The following CDH18 variants were observed in gnomAD, a reference collection of about 807,000 sequenced individuals.
CDH18 encodes cadherin 18.
CDH18 carries 31 observed loss-of-function variants against 67.9 expected under a neutral mutation model. That is an observed-to-expected ratio of 0.46 (90% CI 0.34 to 0.62). The LOEUF (loss-of-function observed/expected upper bound fraction) is 0.62. CDH18 is among the 20% of genes least tolerant of loss of function. The probability of loss-of-function intolerance (pLI) is 0.01; values close to 1 mark genes in which losing one functional copy is unlikely to be tolerated. For missense variants in CDH18, 890 were observed against 975.5 expected (o/e 0.91, Z 1.17); for synonymous variants, 362 against 347.2 (o/e 1.04, Z -0.48).
At chr5:19,929,650 T>C (rs1793463561) in intron 2 of CDH18, among the ~76,000 whole-genome samples, 1 of 152,046 alleles carries the variant, frequency 6.6e-6, no homozygotes, top group Non-Finnish European at 1.5e-5. Context: ...CTAGTCTGCA[T>C]GGTATTTAGG....
At chr5:19,791,579 T>A (rs1776366694) in intron 3 of CDH18, among the ~76,000 whole-genome samples, 2 of 152,156 alleles carry the variant, frequency 1.3e-5, no homozygotes, top group South Asian at 4.1e-4. Context: ...TAGTCACTCA[T>A]GCTCGCTGAG....
intron 11 of CDH18, among the ~76,000 whole-genome samples, chr5:19,486,984 C>T (rs995795029): frequency 6.6e-6 from 1 of 152,118 alleles, no homozygotes; most frequent in African/African-American, 2.4e-5. Flanking sequence ...TTCTAACTCT[C>T]TATAGCTTGG....
At chr5:20,257,027 C>G (rs1744304405) in intron 1 of CDH18, among the ~76,000 whole-genome samples, 1 of 151,726 alleles carries the variant, frequency 6.6e-6, no homozygotes, top group Non-Finnish European at 1.5e-5. Context: ...CCTCTATCTA[C>G]TTATCAGGGC....
Position 20,342,634 on chromosome 5 carries a change from T to C in CDH18, c.-579-87129A>G, listed in dbSNP as rs114534639. Among the ~76,000 whole-genome samples the C allele has an allele frequency of 6.5e-3, 992 of 152,180 alleles. 7 individuals carry two copies. Among genetic ancestry groups the C allele is most frequent in the African/African-American group, 0.022 (933 of 41,516 alleles). On this transcript the variant is annotated intron_variant, in intron 1 of 14. Coordinates refer to the CDH18 transcript ENST00000507958. ...TCTGGAGAATAGGCATGGGAATGGA[T>C]AGTAAGAGTGTGGGATAATGGCAGA...
chr5:20,503,032 G>A (rs1013329411), intron 1 of CDH18, among the ~76,000 whole-genome samples: 3 of 152,056 alleles, frequency 2.0e-5, no homozygotes, highest in African/African-American at 7.2e-5. Flanking sequence ...TACACAGACA[G>A]AGAAAGCCAA....
intron 2 of CDH18, among the ~76,000 whole-genome samples, chr5:19,938,998 A>G (rs1794563146): frequency 6.6e-6 from 1 of 151,142 alleles, no homozygotes; most frequent in African/African-American, 2.4e-5. Context: ...TTAAACTTCT[A>G]AGAAGTTCAT....
At chr5:20,526,892 C>T (rs1187226759) in intron 1 of CDH18, among the ~76,000 whole-genome samples, 1 of 152,016 alleles carries the variant, frequency 6.6e-6, no homozygotes, top group Non-Finnish European at 1.5e-5. Flanking sequence ...CAACACCTCT[C>T]CAGCAAGGGC....
At chr5:19,692,932 C>A (rs950419491) in intron 5 of CDH18, among the ~76,000 whole-genome samples, 1 of 151,986 alleles carries the variant, frequency 6.6e-6, no homozygotes, top group Non-Finnish European at 1.5e-5. Flanking sequence ...AAAGGTATAA[C>A]TACACCTCTA....
chr5:20,418,716 G>A lies in CDH18; in HGVS notation c.-580+156746C>T, dbSNP rs537528734. Reference sequence around the variant, plus strand: ...AGACAACTTAAGTTTAACTGTGTGCGTATAAAAAGGGGTATTTGTAAATAT... The same window carrying A: ...AGACAACTTAAGTTTAACTGTGTGCATATAAAAAGGGGTATTTGTAAATAT... On this transcript the variant is annotated intron_variant, in intron 1 of 14. Transcript: ENST00000507958. 2.2e-4 allele frequency among the ~76,000 whole-genome samples: 34 copies of A among 152,070 alleles called. 1 individual carries two copies. The South Asian group carries it at 3.7e-3, about 17-fold the overall frequency.
intron 1 of CDH18, among the ~76,000 whole-genome samples, chr5:20,340,310 C>T (rs1407955362): frequency 6.6e-6 from 1 of 152,114 alleles, no homozygotes; most frequent in African/African-American, 2.4e-5. Context: ...CTTATAAAAC[C>T]TCCTGAAGGT....
At chr5:20,356,973 A>T (rs576532613) in intron 1 of CDH18, among the ~76,000 whole-genome samples, 12 of 151,284 alleles carry the variant, frequency 7.9e-5, no homozygotes, top group Non-Finnish European at 1.3e-4. Flanking sequence ...GTAAGTCAGT[A>T]TATATGTAGT....
At chr5:19,493,525 C>T (rs944729892) in intron 11 of CDH18, among the ~76,000 whole-genome samples, 5 of 143,344 alleles carry the variant, frequency 3.5e-5, no homozygotes, top group South Asian at 2.4e-4. Flanking sequence ...AATGTCAGCC[C>T]GAGGGAATTG....
chr5:20,501,933 G>C (rs1754360950), intron 1 of CDH18, among the ~76,000 whole-genome samples: 1 of 150,868 alleles, frequency 6.6e-6, no homozygotes, highest in African/African-American at 2.4e-5. Context: ...ATTATTTCAA[G>C]AAAACAGCAA....
At chr5:19,802,218 T>C (rs1308342413) in intron 3 of CDH18, among the ~76,000 whole-genome samples, 7 of 152,162 alleles carry the variant, frequency 4.6e-5, no homozygotes, top group African/African-American at 1.7e-4. Context: ...ATGTGTTTAA[T>C]ACTTCTCATA....
intron 1 of CDH18, among the ~76,000 whole-genome samples, chr5:20,408,123 A>G (rs998880450): frequency 6.6e-6 from 1 of 152,118 alleles, no homozygotes; most frequent in African/African-American, 2.4e-5. Flanking sequence ...CTGAAAGAAA[A>G]AAACTACCAG....
chr5:20,564,784 A>G (rs1203879869), intron 1 of CDH18, among the ~76,000 whole-genome samples: 3 of 152,186 alleles, frequency 2.0e-5, no homozygotes, highest in African/African-American at 7.2e-5. Context: ...TCTCACTGTA[A>G]GGGTCAGAGA....
At chr5:20,071,516 A>C (rs1277069548) in intron 2 of CDH18, among the ~76,000 whole-genome samples, 1 of 152,060 alleles carries the variant, frequency 6.6e-6, no homozygotes, top group African/African-American at 2.4e-5. Flanking sequence ...TATACTTCAG[A>C]ATTCTTTAAT....
intron 5 of CDH18, among the ~76,000 whole-genome samples, chr5:19,664,879 A>C (rs192085972): frequency 1.2e-3 from 182 of 152,038 alleles, no homozygotes; most frequent in Middle Eastern, 3.4e-3. Flanking sequence ...TGTCAGTTTT[A>C]TTTACATCTC....
chr5:19,735,080 A>T (rs1036917371), intron 4 of CDH18, among the ~76,000 whole-genome samples: 1 of 152,168 alleles, frequency 6.6e-6, no homozygotes, highest in African/African-American at 2.4e-5. Context: ...CAAAGCATCT[A>T]ACCAGGTAAA....
Sources: allele counts gnomAD v4.1 joint callset (sites outside exome capture counted in the v4.1 genomes callset), GRCh38; gene constraint gnomAD v4.1.1; transcripts MANE v1.5; gene names NCBI Gene and HGNC (gene_info 2026-07-23, HGNC 2026-07-21).